The following ZNF804A variants were observed in gnomAD, a reference collection of about 807,000 sequenced individuals.
The protein encoded by ZNF804A is zinc finger protein 804A.
In ZNF804A, 2 loss-of-function variants were observed where a neutral mutation model predicts 16.5. That is an observed-to-expected ratio of 0.12 (90% CI 0.05 to 0.38). The LOEUF (loss-of-function observed/expected upper bound fraction) is 0.38, where lower values mean the gene tolerates loss of function less well. Ranked by LOEUF, ZNF804A falls within the 10% of genes least tolerant of loss-of-function variation. The pLI is 0.99. For missense variants in ZNF804A, 1,473 were observed against 1,390.7 expected (o/e 1.06, Z -0.94); for synonymous variants, 534 against 489.6 (o/e 1.09, Z -1.20).
Position 184,938,015 on chromosome 2 carries a change from C to A in ZNF804A, c.2619C>A (p.Asn873Lys), listed in dbSNP as rs775346459. ...TCGAAAGGAACTCAGAACAAACAAA[C>A]CAATTAAGAAACAAACTGTCTTTCC... ...AKIERNSEQT[N>K]QLRNKLSFHP... The change falls in exon 4 of 4, where the codon AAC (asparagine) becomes AAA (lysine). Residue 873 changes from asparagine to lysine, a missense_variant. Transcript: ENST00000302277. 12 of 1,613,850 alleles carry A rather than the reference C, an allele frequency of 7.4e-6. No individual in the cohort carries two copies. The highest frequency in any genetic ancestry group is 1.0e-5 in the Non-Finnish European group (12 of 1,179,996).
intron 1 of ZNF804A, among the ~76,000 whole-genome samples, chr2:184,814,685 C>T (rs947774667): frequency 6.6e-6 from 1 of 152,006 alleles, no homozygotes; most frequent in African/African-American, 2.4e-5. Context: ...AGAGGCCTTT[C>T]TAAACCTGAG....
intron 1 of ZNF804A, among the ~76,000 whole-genome samples, chr2:184,770,717 G>A (rs1694196663): frequency 6.6e-6 from 1 of 151,926 alleles, no homozygotes; most frequent in South Asian, 2.1e-4. Context: ...TTATTTCATG[G>A]AAAATATAGA....
At chr2:184,874,122 A>G (rs1696016939) in intron 2 of ZNF804A, among the ~76,000 whole-genome samples, 1 of 152,148 alleles carries the variant, frequency 6.6e-6, no homozygotes, top group South Asian at 2.1e-4. Context: ...CACCTTTTTT[A>G]TATTCTTCAA....
chr2:184,651,703 TAATCATCAGAA>T (rs1292547687), intron 1 of ZNF804A, among the ~76,000 whole-genome samples: 4 of 152,092 alleles, frequency 2.6e-5, no homozygotes, highest in African/African-American at 9.7e-5. Flanking sequence ...TCCATATCAC[TAATCATCAGAA>T]AAATGCAAAT....
intron 2 of ZNF804A, among the ~76,000 whole-genome samples, chr2:184,870,811 G>A (rs1282873329): frequency 2.0e-5 from 3 of 151,852 alleles, no homozygotes; most frequent in African/African-American, 7.3e-5. Flanking sequence ...TACATATGAG[G>A]ATGGTGTGAC....
intron 2 of ZNF804A, among the ~76,000 whole-genome samples, chr2:184,913,976 GTAC>G (rs1225504021): frequency 2.0e-5 from 3 of 152,092 alleles, no homozygotes; most frequent in Non-Finnish European, 2.9e-5. Flanking sequence ...AGATGCTCAA[GTAC>G]TACCTTTGGA....
intron 1 of ZNF804A, among the ~76,000 whole-genome samples, chr2:184,716,974 C>A (rs1483950961): frequency 1.3e-5 from 2 of 152,092 alleles, no homozygotes; most frequent in Non-Finnish European, 2.9e-5. Context: ...GTGTAGAACA[C>A]CCTGGAAGAG....
At chr2:184,773,015 T>TAC (rs1694240620) in intron 1 of ZNF804A, among the ~76,000 whole-genome samples, 1 of 147,816 alleles carries the variant, frequency 6.8e-6, no homozygotes, top group South Asian at 2.1e-4. Flanking sequence ...TATATATATA[T>TAC]ACACACACAA....
At chr2:184,772,265 CA>C (rs71403989) in intron 1 of ZNF804A, among the ~76,000 whole-genome samples, 21,299 of 131,984 alleles carry the variant, frequency 0.16, 1,601 homozygotes, top group Middle Eastern at 0.25. Flanking sequence ...TCCCCTTGAC[CA>C]AAAAAAAAAA....
chr2:184,777,167 A>T (rs1694301765), intron 1 of ZNF804A, among the ~76,000 whole-genome samples: 1 of 151,532 alleles, frequency 6.6e-6, no homozygotes, highest in East Asian at 1.9e-4. Context: ...CACCTTACAG[A>T]TCTTTCAACC....
chr2:184,745,279 C>T (rs1693772332), intron 1 of ZNF804A, among the ~76,000 whole-genome samples: 1 of 151,432 alleles, frequency 6.6e-6, no homozygotes, highest in South Asian at 2.1e-4. Flanking sequence ...CCCGGTTTTA[C>T]AAAGAAAAAG....
intron 1 of ZNF804A, among the ~76,000 whole-genome samples, chr2:184,710,481 A>T (rs1275577053): frequency 6.6e-6 from 1 of 151,598 alleles, no homozygotes; most frequent in Non-Finnish European, 1.5e-5. Flanking sequence ...ATCTTCATAA[A>T]TTTTACCCTT....
At chr2:184,934,151 G>C (rs777845570) in intron 3 of ZNF804A, among the ~76,000 whole-genome samples, 4 of 152,008 alleles carry the variant, frequency 2.6e-5, no homozygotes, top group Non-Finnish European at 4.4e-5. Context: ...TTATGTTTAA[G>C]ATTCTTTTTC....
intron 2 of ZNF804A, among the ~76,000 whole-genome samples, chr2:184,897,361 C>G (rs1685085226): frequency 6.6e-6 from 1 of 151,806 alleles, no homozygotes; most frequent in South Asian, 2.1e-4. Flanking sequence ...CCTTTCCATA[C>G]AGCAATTAGT....
intron 1 of ZNF804A, among the ~76,000 whole-genome samples, chr2:184,851,700 C>G (rs1445273135): frequency 6.6e-6 from 1 of 151,830 alleles, no homozygotes; most frequent in African/African-American, 2.4e-5. Flanking sequence ...TGGATATATT[C>G]CTAGCAGTGG....
intron 1 of ZNF804A, among the ~76,000 whole-genome samples, chr2:184,611,954 T>G (rs1574130907): frequency 6.6e-6 from 1 of 152,306 alleles, no homozygotes; most frequent in East Asian, 1.9e-4. Flanking sequence ...TATATCTTCA[T>G]TAGGTGTCAC....
At chr2:184,881,941 A>G (rs1330076265) in intron 2 of ZNF804A, among the ~76,000 whole-genome samples, 3 of 152,120 alleles carry the variant, frequency 2.0e-5, no homozygotes, top group Non-Finnish European at 4.4e-5. Flanking sequence ...TCACATATCA[A>G]TACTACCCTT....
At chr2:184,799,006 T>C (rs1694680925) in intron 1 of ZNF804A, among the ~76,000 whole-genome samples, 3 of 152,110 alleles carry the variant, frequency 2.0e-5, no homozygotes, top group African/African-American at 7.2e-5. Context: ...GTCTCTGTTC[T>C]CGGTCTAGCC....
chr2:184,777,425 G>T (rs368667071), intron 1 of ZNF804A, among the ~76,000 whole-genome samples: 4 of 151,582 alleles, frequency 2.6e-5, no homozygotes, highest in Admixed American at 6.6e-5. Flanking sequence ...CCTTTCTGCT[G>T]TTTTCCTTCC....
Sources: gnomAD v4.1 joint callset for allele counts (sites outside exome capture counted in the v4.1 genomes callset) on GRCh38, gnomAD v4.1.1 for gene constraint, MANE v1.5 for transcripts, NCBI Gene and HGNC (gene_info 2026-07-23, HGNC 2026-07-21) for gene names.